Variants in SNX14 observed in about 807,000 individuals in gnomAD.
The protein encoded by SNX14 is sorting nexin-14.
SNX14 carries 93 observed loss-of-function variants against 133.8 expected under a neutral mutation model. That is an observed-to-expected ratio of 0.70 (90% CI 0.59 to 0.83). The LOEUF is 0.83. SNX14 is among the 40% of genes least tolerant of loss of function. The pLI, the probability that SNX14 is intolerant of heterozygous loss-of-function variation, is 0.00. For synonymous variants in SNX14, 368 were observed against 365.6 expected (o/e 1.01, Z -0.07); for missense variants, 945 against 1,094.9 (o/e 0.86, Z 1.93).
In SNX14 at chr6:85,505,903, T is replaced by G; in HGVS notation, c.*64A>C. On this transcript the variant is annotated 3_prime_UTR_variant, in exon 29 of 29. Coordinates refer to ENST00000314673, the MANE Select transcript of SNX14 (RefSeq NM_153816.6). ...ATATATAAGAATATACCCAAAAAAG[T>G]AAATTTCTACCACCCTCGCACAGCA... The G allele has an allele frequency of 8.7e-7, 1 of 1,152,722 alleles. No individual in the cohort carries two copies. The highest frequency in any genetic ancestry group is 1.3e-6 in the Non-Finnish European group (1 of 767,194). 71.4% of individuals were successfully genotyped at this position (1,152,722 alleles called of 1,614,324 possible).
chr6:85,557,785 T>C (rs1290998669), intron 7 of SNX14, among the ~76,000 whole-genome samples, 191 bp downstream of exon 7: 1 of 152,232 alleles, frequency 6.6e-6, no homozygotes. Context: ...TTAACTTTTA[T>C]TTTAATTTTT....
chr6:85,530,252 A>C lies in SNX14; in HGVS notation c.1834T>G (p.Ser612Ala). 6.2e-7 allele frequency: 1 copy of C among 1,601,676 alleles called. No homozygotes were observed. The change falls in exon 19 of 29, where the codon TCT becomes GCT. Residue 612 changes from serine (S) to alanine (A), a missense_variant. Around this residue, in one of 3 missense-constraint regions of SNX14, gnomAD observed 412 missense variants for 516.6 expected, o/e 0.80. Coordinates refer to ENST00000314673, the MANE Select transcript of SNX14 (RefSeq NM_153816.6). The stretch of plus-strand genomic sequence containing the variant: ...AATTCAAGATATCTTCTATAGACAG[A>C]CCAATGTTCAGGCTCGTGTCCAACT... ...RAVGHEPEHWSVYRRYLEFYV... is the reference protein window; with the variant it reads ...RAVGHEPEHWAVYRRYLEFYV...
intron 26 of SNX14, among the ~76,000 whole-genome samples, chr6:85,511,823 C>T (rs1562179455): frequency 6.6e-6 from 1 of 152,182 alleles, no homozygotes; most frequent in Non-Finnish European, 1.5e-5. Context: ...TCTCGTCAAA[C>T]TGTTTTTTCT....
intron 7 of SNX14, among the ~76,000 whole-genome samples, chr6:85,550,630 C>T (rs1371332452): frequency 1.3e-5 from 2 of 152,080 alleles, no homozygotes; most frequent in Non-Finnish European, 2.9e-5. Flanking sequence ...TCCAGAGTAG[C>T]TGGGCCCACA....
chr6:85,547,259 T>C lies in SNX14; in HGVS notation c.994-33A>G, dbSNP rs1480707851. 11 of 1,611,314 alleles carry C rather than the reference T, an allele frequency of 6.8e-6. 1 individual carries two copies. The highest frequency in any genetic ancestry group is 5.5e-5 in the South Asian group (5 of 90,670). ...TAAGAGAAAGATTAAGTTTAAGCTA[T>C]ATAAATGAGTTCTAAAATTGTTTAT... is the stretch of plus-strand genomic sequence containing the variant. On this transcript the variant is annotated intron_variant, in intron 11 of 28. Transcript: ENST00000314673.
intron 4 of SNX14, among the ~76,000 whole-genome samples, chr6:85,570,449 C>T (rs1206764056): frequency 1.3e-5 from 2 of 152,172 alleles, no homozygotes; most frequent in Admixed American, 1.3e-4. Flanking sequence ...TTTAAATTTT[C>T]TAGTAGCTAC....
chr6:85,563,797 G>C (rs2128160134), intron 6 of SNX14, among the ~76,000 whole-genome samples: 1 of 152,200 alleles, frequency 6.6e-6, no homozygotes, highest in Admixed American at 6.5e-5. Flanking sequence ...TATACTTAAA[G>C]TTCTAGGGTA....
intron 7 of SNX14, among the ~76,000 whole-genome samples, chr6:85,553,703 G>A (rs944949409): frequency 2.0e-5 from 3 of 151,630 alleles, no homozygotes; most frequent in Non-Finnish European, 4.4e-5. Context: ...GGAGAATGGC[G>A]TGAACCCGGG....
At position 85,593,849 on chromosome 6, in the gene SNX14, G is replaced by A. The variant is rs1000615273; in HGVS notation, c.-131C>T. On this transcript the variant is annotated 5_prime_UTR_variant, in exon 1 of 29. Transcript: ENST00000314673. ...AGACGCCTACCGGCAGTTAGCCGCC[G>A]CAGGCTGAGGTCGCGTCCGGCTGGG... The A allele has an allele frequency of 4.0e-6, 6 of 1,502,572 alleles. No homozygotes were observed. The African/African-American group carries it at 5.7e-5, about 14-fold the overall frequency. The allele number at this position is 1,502,572 out of a possible 1,614,324, so 93.1% of individuals were successfully genotyped here. A position where few individuals can be genotyped will look rare whatever the true frequency, so the allele number is the denominator to read the frequency against.
intron 1 of SNX14, among the ~76,000 whole-genome samples, chr6:85,582,283 A>G (rs1799278088): frequency 6.6e-6 from 1 of 152,198 alleles, no homozygotes; most frequent in African/African-American, 2.4e-5. Context: ...AACATGAAGG[A>G]GAAATAAGGA....
intron 5 of SNX14, among the ~76,000 whole-genome samples, chr6:85,566,033 A>T (rs965511102): frequency 7.9e-5 from 12 of 152,242 alleles, no homozygotes; most frequent in Admixed American, 6.5e-4. Flanking sequence ...CGGTGTTGTT[A>T]ACTTTCTTGG....
At chr6:85,543,443 C>A in intron 13 of SNX14, 137 bp from the exon 14 acceptor site, 1 of 1,052,776 alleles carries the variant, frequency 9.5e-7, no homozygotes. Flanking sequence ...CTGACAAATA[C>A]ATAAAGTATA....
rs1410114937 is a variant in SNX14 at position 85,517,850 on chromosome 6, AT to A, written c.2173del (p.Ile725SerfsTer2). The A allele has an allele frequency of 6.2e-7, 1 of 1,609,200 alleles. No individual in the cohort carries two copies. Among genetic ancestry groups the A allele is most frequent in the South Asian group, 1.1e-5 (1 of 89,370 alleles). ...KEKGQHLEPF[I>X]MNFINSCESP... is the part of the protein sequence containing the mutation. Reference sequence around the variant, plus strand: ...CTCACAAGAATTAATGAAATTCATGATAAAAGGTTCCAAATGCTGACCTTTC... The same window carrying A: ...CTCACAAGAATTAATGAAATTCATGAAAAAGGTTCCAAATGCTGACCTTTC... On this transcript the variant is annotated frameshift_variant, in exon 23 of 29. Coordinates refer to ENST00000314673, the MANE Select transcript of SNX14 (RefSeq NM_153816.6). LOFTEE classifies it high-confidence loss of function.
intron 2 of SNX14, among the ~76,000 whole-genome samples, chr6:85,573,705 C>A (rs1169310071): frequency 1.3e-5 from 2 of 152,210 alleles, no homozygotes; most frequent in African/African-American, 4.8e-5. Context: ...CTTCCTCAGT[C>A]TGTGCCTCAG....
intron 6 of SNX14, among the ~76,000 whole-genome samples, chr6:85,560,321 T>C (rs1363360807): frequency 1.3e-5 from 2 of 152,156 alleles, no homozygotes; most frequent in South Asian, 2.1e-4. Flanking sequence ...TATTGATACA[T>C]GCTACAACAT....
intron 23 of SNX14, among the ~76,000 whole-genome samples, chr6:85,516,630 A>ACC (rs1330740524): frequency 0.01 from 1,489 of 145,680 alleles, 14 homozygotes; most frequent in African/African-American, 0.037. Flanking sequence ...AACTTCCTTA[A>ACC]TCTTTTTTTT....
At chr6:85,588,783 T>A in intron 1 of SNX14, 1 of 439,828 alleles carries the variant, frequency 2.3e-6, no homozygotes, top group South Asian at 1.7e-5. Flanking sequence ...ATGTATTATA[T>A]ACTGTATTCT....
intron 9 of SNX14, among the ~76,000 whole-genome samples, chr6:85,547,882 G>A (rs1469469188): frequency 2.0e-5 from 3 of 152,158 alleles, no homozygotes; most frequent in Non-Finnish European, 4.4e-5. Flanking sequence ...AGCAAAACAT[G>A]TTATACACAT....
At chr6:85,577,563 A>G (rs569179872) in intron 1 of SNX14, among the ~76,000 whole-genome samples, 9 of 152,330 alleles carry the variant, frequency 5.9e-5, no homozygotes, top group African/African-American at 2.2e-4. Flanking sequence ...CTCTGGAGAG[A>G]ATATGGGCTA....
Sources: gnomAD v4.1 joint callset for allele counts (sites outside exome capture counted in the v4.1 genomes callset) on GRCh38, gnomAD v4.1.1 for gene constraint, gnomAD v4.1.1 regional missense constraint, MANE v1.5 for transcripts, NCBI Gene and HGNC (gene_info 2026-07-23, HGNC 2026-07-21) for gene names.